TMEM117: variants seen among roughly 807,000 people sequenced by gnomAD.
TMEM117 encodes transmembrane protein 117.
In TMEM117, 27 loss-of-function variants were observed where a neutral mutation model predicts 52.4. That is an observed-to-expected ratio of 0.51 (90% confidence interval 0.38 to 0.71). TMEM117 has a LOEUF of 0.71. TMEM117 is among the 30% of genes least tolerant of loss of function. TMEM117 has a pLI of 0.00. For synonymous variants in TMEM117, 215 were observed against 206.3 expected (o/e 1.04, Z -0.36); for missense variants, 556 against 630.5 (o/e 0.88, Z 1.26).
At chr12:44,049,160 A>C (rs1292925584) in intron 3 of TMEM117, among the ~76,000 whole-genome samples, 2 of 152,198 alleles carry the variant, frequency 1.3e-5, no homozygotes, top group African/African-American at 4.8e-5. Flanking sequence ...TCACAGAACC[A>C]ACCCAAATGC....
At chr12:44,397,427 TAGTA>T in the TMEM117 span, among the ~76,000 whole-genome samples, 2 of 152,170 alleles carry the variant, frequency 1.3e-5, no homozygotes, top group Non-Finnish European at 2.9e-5. Flanking sequence ...CCATAGCACT[TAGTA>T]AGTTTACAGG....
chr12:44,238,267 A>G (rs911499857), intron 5 of TMEM117, among the ~76,000 whole-genome samples: 1 of 152,188 alleles, frequency 6.6e-6, no homozygotes. Flanking sequence ...AAGTATCTTT[A>G]CAAATATTGT....
intron 6 of TMEM117, among the ~76,000 whole-genome samples, chr12:44,375,992 G>A (rs749633480): frequency 2.0e-5 from 3 of 152,136 alleles, no homozygotes; most frequent in African/African-American, 7.2e-5. Flanking sequence ...ATTCACTGTT[G>A]ATCCCTCATG....
At chr12:44,169,486 G>C (rs1246762953) in intron 4 of TMEM117, among the ~76,000 whole-genome samples, 3 of 152,028 alleles carry the variant, frequency 2.0e-5, no homozygotes, top group Non-Finnish European at 2.9e-5. Context: ...TTGTCCATCT[G>C]TTTATCTTTT....
intron 3 of TMEM117, among the ~76,000 whole-genome samples, chr12:44,123,136 T>C (rs1453310907): frequency 1.3e-5 from 2 of 152,226 alleles, no homozygotes; most frequent in Non-Finnish European, 2.9e-5. Flanking sequence ...CATTGTGGTT[T>C]TGATTTGCAT....
At chr12:43,807,694 C>T in the TMEM117 span, among the ~76,000 whole-genome samples, 26 of 152,114 alleles carry the variant, frequency 1.7e-4, no homozygotes, top group African/African-American at 6.0e-4. Flanking sequence ...TGGGAAAGGC[C>T]ACTGTATTCT....
At chr12:44,354,012 C>T (rs1296546470) in intron 6 of TMEM117, among the ~76,000 whole-genome samples, 1 of 152,150 alleles carries the variant, frequency 6.6e-6, no homozygotes, top group South Asian at 2.1e-4. Flanking sequence ...AGGTCCTTCA[C>T]ATCCCTTGTA....
rs546846873 is a variant in TMEM117, at chr12:43,957,621, G to A, written c.410+13279G>A. Among the ~76,000 whole-genome samples, 20 of 152,246 alleles carry A rather than the reference G, an allele frequency of 1.3e-4. No homozygotes were observed. In the South Asian group the frequency reaches 3.7e-3, roughly 28 times the overall value. On this transcript the variant is annotated intron_variant, in intron 3 of 7. Transcript: ENST00000266534. ...TATTTATTTGGTATTAATAAAGAGA[G>A]GCATGCTCCCAAGTTCAGGTCAAAA...
chr12:44,218,241 A>T (rs1949744462), intron 5 of TMEM117, among the ~76,000 whole-genome samples: 1 of 151,996 alleles, frequency 6.6e-6, no homozygotes, highest in Non-Finnish European at 1.5e-5. Flanking sequence ...AAAAAACAAA[A>T]AACTAGCAAA....
chr12:44,076,459 C>G (rs1947383867), intron 3 of TMEM117, among the ~76,000 whole-genome samples: 1 of 152,158 alleles, frequency 6.6e-6, no homozygotes, highest in Admixed American at 6.5e-5. Flanking sequence ...ACTAATTCAT[C>G]TCTTCTTTAT....
At chr12:44,042,801 CACACA>C (rs1256723851) in intron 3 of TMEM117, among the ~76,000 whole-genome samples, 155 of 143,500 alleles carry the variant, frequency 1.1e-3, no homozygotes, top group Non-Finnish European at 1.8e-3. Flanking sequence ...CACACACACA[CACACA>C]CACTTATTAG....
chr12:43,798,941 A>T, the TMEM117 span, among the ~76,000 whole-genome samples: 1 of 152,116 alleles, frequency 6.6e-6, no homozygotes, highest in Admixed American at 6.5e-5. Context: ...TATGCTCAAC[A>T]GGTACTCAAA....
At chr12:43,856,436 T>G (rs919969835) in intron 2 of TMEM117, among the ~76,000 whole-genome samples, 4 of 152,164 alleles carry the variant, frequency 2.6e-5, no homozygotes, top group Non-Finnish European at 4.4e-5. Flanking sequence ...AAATGTTATT[T>G]CAAAGTTTGG....
At chr12:43,799,425 T>A in the TMEM117 span, 1 of 1,609,666 alleles carries the variant, frequency 6.2e-7, no homozygotes, top group Non-Finnish European at 8.5e-7. Flanking sequence ...GTCGTAGTTC[T>A]TCCTCAGCTG....
chr12:44,059,980 A>G (rs886740516), intron 3 of TMEM117, among the ~76,000 whole-genome samples: 1 of 152,254 alleles, frequency 6.6e-6, no homozygotes, highest in African/African-American at 2.4e-5. Flanking sequence ...AACGAAGTTT[A>G]GGTACAAACT....
chr12:44,304,163 C>T (rs7965701), intron 6 of TMEM117, among the ~76,000 whole-genome samples: 1,836 of 152,250 alleles, frequency 0.012, 45 homozygotes, highest in African/African-American at 0.042. Flanking sequence ...GCAGTGGCCA[C>T]GTGGCACAGA....
intron 5 of TMEM117, among the ~76,000 whole-genome samples, chr12:44,259,810 A>C (rs1302669109): frequency 6.6e-6 from 1 of 152,222 alleles, no homozygotes; most frequent in Non-Finnish European, 1.5e-5. Flanking sequence ...AAAAAGCAAC[A>C]AGAACTCGTT....
At position 43,839,884 on chromosome 12, in the gene TMEM117, G is replaced by GA. The variant is rs1470020494; in HGVS notation, c.-29+3689dup. On this transcript the variant is annotated intron_variant, in intron 1 of 7. Transcript: ENST00000266534. ...AGCACTCTTTTGCTCTGAAACTTTT[G>GA]ATAATTCTCTATTTTCAGTAAAATA... Among the ~76,000 whole-genome samples, 4 of 152,286 alleles carry GA rather than the reference G, an allele frequency of 2.6e-5. No individual in the cohort carries two copies. The East Asian group carries it at 5.8e-4, about 22-fold the overall frequency.
In TMEM117 at chr12:44,114,279, GACA is replaced by G. The variant is rs370206619; in HGVS notation, c.411-29243_411-29241del. On this transcript the variant is annotated intron_variant, in intron 3 of 7. Coordinates refer to ENST00000266534, the MANE Select transcript of TMEM117 (RefSeq NM_032256.3). ...TTAAATTTTTATTTTAAAGAAAAATGACAACTTTTTACTCCTTTATATCCATCT... is the reference window on the plus strand; with the variant it reads ...TTAAATTTTTATTTTAAAGAAAAATGACTTTTTACTCCTTTATATCCATCT... Among the ~76,000 whole-genome samples the G allele has an allele frequency of 1.3e-3, 204 of 152,290 alleles. 1 individual carries two copies. Among genetic ancestry groups the G allele is most frequent in the African/African-American group, 4.8e-3 (200 of 41,554 alleles).
Sources: allele counts gnomAD v4.1 joint callset (sites outside exome capture counted in the v4.1 genomes callset), GRCh38; gene constraint gnomAD v4.1.1; transcripts MANE v1.5; gene names NCBI Gene and HGNC (gene_info 2026-07-23, HGNC 2026-07-21).